OXR1: variants seen among roughly 807,000 people sequenced by gnomAD.
OXR1 encodes oxidation resistance 1, also known as oxidation resistance protein 1.
Under a neutral mutation model 104.6 loss-of-function variants are expected in OXR1, and 41 were observed. That is an observed-to-expected ratio of 0.39 (90% CI 0.31 to 0.51). The LOEUF is 0.51. OXR1 is among the 20% of genes least tolerant of loss of function. The pLI is 0.77. For synonymous variants in OXR1, 348 were observed against 348.4 expected, an observed-to-expected ratio of 1.00 and a Z score of 0.01; for missense variants, 955 against 1,031.9, an observed-to-expected ratio of 0.93 and a Z score of 1.02.
chr8:106,383,514 A>G (rs1170776319), intron 2 of OXR1, among the ~76,000 whole-genome samples: 2 of 152,332 alleles, frequency 1.3e-5, no homozygotes, highest in South Asian at 2.1e-4. Context: ...TGCAATGCTC[A>G]CAAATCTATA....
chr8:106,734,282 A>G (rs1301191227), intron 11 of OXR1, among the ~76,000 whole-genome samples: 3 of 152,196 alleles, frequency 2.0e-5, no homozygotes, highest in Non-Finnish European at 4.4e-5. Context: ...TTAATATATG[A>G]TGAGATATAG....
chr8:106,703,203 A>G, intron 8 of OXR1, 113 bp downstream of exon 8: 2 of 649,742 alleles, frequency 3.1e-6, no homozygotes, highest in Non-Finnish European at 5.1e-6. Context: ...TTATTTTGTC[A>G]ATAATGAAAC....
chr8:106,642,026 T>G (rs1384581505), intron 3 of OXR1, among the ~76,000 whole-genome samples: 1 of 152,168 alleles, frequency 6.6e-6, no homozygotes, highest in Admixed American at 6.6e-5. Context: ...CCCAGCTCAG[T>G]GTCCCAAGTT....
intron 2 of OXR1, among the ~76,000 whole-genome samples, chr8:106,441,230 T>C (rs1443119578): frequency 6.6e-6 from 1 of 152,094 alleles, no homozygotes; most frequent in East Asian, 1.9e-4. Context: ...GTTGTAGATG[T>C]ATGGTATTAT....
intron 7 of OXR1, among the ~76,000 whole-genome samples, chr8:106,694,452 ATATT>A (rs1238496254): frequency 6.3e-4 from 85 of 134,752 alleles, no homozygotes; most frequent in African/African-American, 2.4e-3. Context: ...ATTTTTATAT[ATATT>A]TGATATATAA....
At chr8:106,435,292 C>T (rs565180696) in intron 2 of OXR1, among the ~76,000 whole-genome samples, 3 of 152,222 alleles carry the variant, frequency 2.0e-5, no homozygotes, top group East Asian at 1.9e-4. Flanking sequence ...AAGCCGATTT[C>T]GAAGAGCTCT....
intron 2 of OXR1, among the ~76,000 whole-genome samples, chr8:106,436,910 A>G (rs923405229): frequency 1.3e-5 from 2 of 152,174 alleles, no homozygotes; most frequent in African/African-American, 4.8e-5. Context: ...GATCAGCTCA[A>G]TGCAACTCAA....
chr8:106,691,706 G>A (rs1429736126), intron 6 of OXR1, among the ~76,000 whole-genome samples: 1 of 149,986 alleles, frequency 6.7e-6, no homozygotes, highest in Non-Finnish European at 1.5e-5. Context: ...GGGAATTGAG[G>A]AATCACAAAA....
intron 1 of OXR1, among the ~76,000 whole-genome samples, chr8:106,287,519 G>C (rs556213345): frequency 1.3e-5 from 2 of 152,094 alleles, no homozygotes; most frequent in Non-Finnish European, 2.9e-5. Context: ...TCCAATTAGA[G>C]GGAAAAGTGC....
chr8:106,479,546 C>T lies in OXR1; in HGVS notation c.24-39397C>T, dbSNP rs145894382. Among the ~76,000 whole-genome samples, 31 of 152,096 alleles carry T rather than the reference C, an allele frequency of 2.0e-4. No homozygotes were observed. In the East Asian group the frequency reaches 6.0e-3, roughly 30 times the overall value. ...TGCATCATTGCTCCCCACCCCAATC[C>T]CCCTGGTACTGTGCAGTACACAGCC... is the stretch of plus-strand genomic sequence containing the variant. On this transcript the variant is annotated intron_variant, in intron 2 of 16. Coordinates refer to ENST00000517566, the MANE Select transcript of OXR1 (RefSeq NM_001198533.2).
At position 106,500,971 on chromosome 8, in the gene OXR1, G is replaced by A. The variant is rs139716187; in HGVS notation, c.24-17972G>A. On this transcript the variant is annotated intron_variant, in intron 2 of 16. Transcript: ENST00000517566. ...TCGTCTGAAGAAAACACAAAATTGG[G>A]TGATGGAGAGAGTTGACAAATTGAA... Among the ~76,000 whole-genome samples, 520 of 152,286 alleles carry A rather than the reference G, an allele frequency of 3.4e-3. 1 individual carries two copies. The highest frequency in any genetic ancestry group is 5.5e-3 in the Non-Finnish European group (376 of 68,034).
chr8:106,373,108 T>C (rs188019076), intron 2 of OXR1, among the ~76,000 whole-genome samples: 198 of 152,334 alleles, frequency 1.3e-3, no homozygotes, highest in African/African-American at 4.4e-3. Context: ...GTATTATAAG[T>C]ATCTAGGGAT....
chr8:106,486,564 C>T (rs1810671104), intron 2 of OXR1, among the ~76,000 whole-genome samples: 3 of 151,950 alleles, frequency 2.0e-5, no homozygotes, highest in Admixed American at 2.0e-4. Context: ...GAATTTTTAA[C>T]AATTCCTTTG....
chr8:106,535,860 C>T (rs906083262), intron 3 of OXR1, among the ~76,000 whole-genome samples: 5 of 152,000 alleles, frequency 3.3e-5, no homozygotes, highest in African/African-American at 1.2e-4. Flanking sequence ...CATTCCATAC[C>T]TCCTAAATAA....
intron 2 of OXR1, among the ~76,000 whole-genome samples, chr8:106,367,113 G>A (rs1202873513): frequency 6.6e-6 from 1 of 150,760 alleles, no homozygotes; most frequent in East Asian, 1.9e-4. Context: ...CCCAAGCTGG[G>A]GTGCAGTGGT....
At chr8:106,341,908 G>T (rs1484853886) in intron 1 of OXR1, among the ~76,000 whole-genome samples, 1 of 148,576 alleles carries the variant, frequency 6.7e-6, no homozygotes, top group East Asian at 2.0e-4. Context: ...AAAGGGTCTT[G>T]CTCTGTTACC....
intron 1 of OXR1, among the ~76,000 whole-genome samples, chr8:106,339,544 ATATATATATAT>A (rs1815149259): frequency 9.9e-6 from 1 of 101,382 alleles, no homozygotes; most frequent in Non-Finnish European, 2.0e-5. Flanking sequence ...ATATATATAT[ATATATATATAT>A]AAAACGAAAT....
chr8:106,331,127 T>G (rs928012002), intron 1 of OXR1, among the ~76,000 whole-genome samples: 1 of 152,220 alleles, frequency 6.6e-6, no homozygotes. Flanking sequence ...GACATGCTTC[T>G]TACTTGTTTG....
chr8:106,436,771 C>T (rs1014793551), intron 2 of OXR1, among the ~76,000 whole-genome samples: 1 of 152,144 alleles, frequency 6.6e-6, no homozygotes, highest in Non-Finnish European at 1.5e-5. Context: ...GCTACAGGCT[C>T]ACATCCTCTC....
Sources: allele counts gnomAD v4.1 joint callset (sites outside exome capture counted in the v4.1 genomes callset), GRCh38; gene constraint gnomAD v4.1.1; transcripts MANE v1.5; gene names NCBI Gene and HGNC (gene_info 2026-07-23, HGNC 2026-07-21).